The following MEI4 variants were observed in gnomAD, a reference collection of about 807,000 sequenced individuals.
MEI4 encodes the protein meiotic double-stranded break formation protein 4, also known as meiosis-specific protein MEI4.
MEI4 carries 27 observed loss-of-function variants against 31.4 expected under a neutral mutation model. That is an observed-to-expected ratio of 0.86 (90% CI 0.63 to 1.19). The LOEUF is 1.19. Among genes scored for constraint, MEI4 ranks in the 50% most tolerant of loss-of-function variants. The probability of loss-of-function intolerance (pLI) is 0.00; values close to 1 mark genes in which losing one functional copy is unlikely to be tolerated. For synonymous variants in MEI4, 122 were observed against 145.4 expected (o/e 0.84, Z 1.16); for missense variants, 329 against 398.9 (o/e 0.82, Z 1.49).
At chr6:77,907,786 T>C (rs1766333301) in intron 4 of MEI4, among the ~76,000 whole-genome samples, 1 of 152,152 alleles carries the variant, frequency 6.6e-6, no homozygotes, top group Admixed American at 6.5e-5. Flanking sequence ...GTGCTCCTAT[T>C]TCTCCACATC....
intron 2 of MEI4, among the ~76,000 whole-genome samples, chr6:77,698,454 G>T (rs933361344): frequency 7.9e-5 from 12 of 152,094 alleles, no homozygotes; most frequent in Non-Finnish European, 1.8e-4. Flanking sequence ...CTCTTTTAGG[G>T]CAGGCCTGGT....
intron 4 of MEI4, among the ~76,000 whole-genome samples, chr6:77,891,604 T>C (rs1402993786): frequency 1.3e-5 from 2 of 152,192 alleles, no homozygotes; most frequent in Non-Finnish European, 2.9e-5. Flanking sequence ...GAATTTTTTT[T>C]CAGTCATGTC....
intron 4 of MEI4, among the ~76,000 whole-genome samples, chr6:77,862,084 G>T (rs1044556711): frequency 6.6e-6 from 1 of 151,946 alleles, no homozygotes; most frequent in Non-Finnish European, 1.5e-5. Context: ...AAAAAATGGA[G>T]GGTGGAGCCA....
At chr6:77,720,888 A>G (rs9767575) in intron 2 of MEI4, among the ~76,000 whole-genome samples, 1 of 38,144 alleles carries the variant, frequency 2.6e-5, no homozygotes, top group Non-Finnish European at 5.1e-5. Context: ...TTAACTGATC[A>G]TCCATGCTAT....
At chr6:77,756,557 A>G (rs1242205362) in intron 2 of MEI4, among the ~76,000 whole-genome samples, 1 of 151,740 alleles carries the variant, frequency 6.6e-6, no homozygotes, top group Non-Finnish European at 1.5e-5. Context: ...GCTGATTTTA[A>G]ATAATTATTG....
At chr6:77,891,110 A>G (rs991263602) in intron 4 of MEI4, among the ~76,000 whole-genome samples, 3 of 152,180 alleles carry the variant, frequency 2.0e-5, no homozygotes, top group Non-Finnish European at 4.4e-5. Context: ...TCTAACATGC[A>G]TTGGAAATGA....
intron 2 of MEI4, among the ~76,000 whole-genome samples, chr6:77,754,808 A>G (rs1292812174): frequency 6.6e-6 from 1 of 152,124 alleles, no homozygotes; most frequent in Non-Finnish European, 1.5e-5. Context: ...GAAGGGGGAA[A>G]GAGCCCCTTA....
intron 3 of MEI4, among the ~76,000 whole-genome samples, chr6:77,782,033 G>A (rs1235369968): frequency 2.0e-5 from 3 of 152,102 alleles, no homozygotes; most frequent in Admixed American, 2.0e-4. Context: ...TGACATTTTT[G>A]TCTGGGAAAC....
chr6:77,700,183 G>T (rs1241571643), intron 2 of MEI4, among the ~76,000 whole-genome samples: 2 of 152,204 alleles, frequency 1.3e-5, no homozygotes, highest in Admixed American at 1.3e-4. Context: ...TCTGTGCCCT[G>T]CCCCTAGAGG....
At chr6:77,871,659 A>G (rs1235644117) in intron 4 of MEI4, among the ~76,000 whole-genome samples, 2 of 152,304 alleles carry the variant, frequency 1.3e-5, no homozygotes, top group East Asian at 1.9e-4. Flanking sequence ...CAATATACAC[A>G]TGTAACAAAC....
Position 77,761,145 on chromosome 6 carries a change from A to C in MEI4, c.248A>C (p.Gln83Pro), listed in dbSNP as rs1158335952. The C allele has an allele frequency of 8.1e-7, 1 of 1,231,860 alleles. No homozygotes were observed. Among genetic ancestry groups the C allele is most frequent in the Non-Finnish European group, 1.0e-6 (1 of 987,868 alleles). 76.3% of individuals were successfully genotyped at this position (1,231,860 alleles called of 1,614,324 possible). The change falls in exon 3 of 5, where the codon CAG becomes CCG. Residue 83 changes from glutamine to proline, a missense_variant. Transcript: ENST00000684080. ...GSFKSGYVSS[Q>P]LEAQEPKSSE... is the part of the protein sequence containing the mutation. ...TATTTTTCAGGATACGTTTCCTCCC[A>C]GTTGGAGGCTCAGGAACCTAAGAGT...
chr6:77,817,432 T>G (rs2127707032), intron 3 of MEI4, among the ~76,000 whole-genome samples: 1 of 152,234 alleles, frequency 6.6e-6, no homozygotes, highest in African/African-American at 2.4e-5. Context: ...TCTTTATGTT[T>G]AAACTTTTGC....
At chr6:77,745,304 G>A (rs1293816557) in intron 2 of MEI4, among the ~76,000 whole-genome samples, 2 of 152,006 alleles carry the variant, frequency 1.3e-5, no homozygotes, top group African/African-American at 2.4e-5. Context: ...AACAAAAAAA[G>A]GCAGGGGTTG....
intron 1 of MEI4, among the ~76,000 whole-genome samples, chr6:77,670,220 TCTC>T (rs2127645357): frequency 6.6e-6 from 1 of 152,050 alleles, no homozygotes; most frequent in East Asian, 2.0e-4. Context: ...TCTTCCCTCT[TCTC>T]CTTGGGAATC....
At chr6:77,879,792 C>A (rs999404033) in intron 4 of MEI4, among the ~76,000 whole-genome samples, 3 of 152,066 alleles carry the variant, frequency 2.0e-5, no homozygotes, top group Admixed American at 6.6e-5. Context: ...AGACCAGGGG[C>A]CTTACAGGAT....
chr6:77,766,642 G>T (rs1449350585), intron 3 of MEI4, among the ~76,000 whole-genome samples: 1 of 152,020 alleles, frequency 6.6e-6, no homozygotes, highest in Non-Finnish European at 1.5e-5. Flanking sequence ...TCGATCTCCT[G>T]ACCTCGTGAT....
chr6:77,907,162 GT>G (rs912243539), intron 4 of MEI4, among the ~76,000 whole-genome samples: 4 of 151,876 alleles, frequency 2.6e-5, no homozygotes, highest in Non-Finnish European at 5.9e-5. Flanking sequence ...TATACTTTGA[GT>G]TTTAGGGTAC....
intron 1 of MEI4, among the ~76,000 whole-genome samples, chr6:77,662,125 G>A (rs1056887454): frequency 2.0e-5 from 3 of 152,198 alleles, no homozygotes; most frequent in Non-Finnish European, 2.9e-5. Context: ...AATCAGTATA[G>A]ATATTGACGC....
At chr6:77,695,453 A>G (rs1766002135) in intron 2 of MEI4, among the ~76,000 whole-genome samples, 1 of 152,198 alleles carries the variant, frequency 6.6e-6, no homozygotes, top group South Asian at 2.1e-4. Context: ...AGGCGTAAGG[A>G]AGGGATCCAG....
Sources: gnomAD v4.1 joint callset for allele counts (sites outside exome capture counted in the v4.1 genomes callset) on GRCh38, gnomAD v4.1.1 for gene constraint, MANE v1.5 for transcripts, NCBI Gene and HGNC (gene_info 2026-07-23, HGNC 2026-07-21) for gene names.